The following PLCB1 variants were observed in gnomAD, a reference collection of about 807,000 sequenced individuals.
PLCB1 encodes 1-phosphatidylinositol 4,5-bisphosphate phosphodiesterase beta-1.
PLCB1 carries 46 observed loss-of-function variants against 161.8 expected under a neutral mutation model. The ratio of observed to expected loss-of-function variants is 0.28; its 90% CI spans 0.22 to 0.36. The LOEUF (loss-of-function observed/expected upper bound fraction) is 0.36. PLCB1 is among the 10% of genes least tolerant of loss of function. The pLI is 1.00. For synonymous variants in PLCB1, 517 were observed against 503.7 expected (o/e 1.03, Z -0.35); for missense variants, 1,016 against 1,472.5 (o/e 0.69, Z 5.07).
chr20:8,856,027 T>C (rs975455746), intron 31 of PLCB1, among the ~76,000 whole-genome samples: 1 of 152,320 alleles, frequency 6.6e-6, no homozygotes, highest in African/African-American at 2.4e-5. Flanking sequence ...CACACCCATA[T>C]ACACCACAAA....
chr20:8,504,395 T>C (rs1983544414), intron 3 of PLCB1, among the ~76,000 whole-genome samples: 1 of 152,188 alleles, frequency 6.6e-6, no homozygotes, highest in Non-Finnish European at 1.5e-5. Context: ...CAGTGACCCA[T>C]GTATCTAAAA....
At chr20:8,313,568 G>A (rs1231925895) in intron 2 of PLCB1, among the ~76,000 whole-genome samples, 1 of 152,154 alleles carries the variant, frequency 6.6e-6, no homozygotes, top group Non-Finnish European at 1.5e-5. Context: ...ATGCTGGGAG[G>A]AGCAAAGAAT....
intron 4 of PLCB1, among the ~76,000 whole-genome samples, chr20:8,643,769 C>CTCTT (rs1229446740): frequency 4.9e-5 from 7 of 143,672 alleles, no homozygotes; most frequent in African/African-American, 1.8e-4. Flanking sequence ...CTCCCTCTCC[C>CTCTT]TCTCCCTCTT....
chr20:8,200,621 T>A (rs2123125182), intron 2 of PLCB1, among the ~76,000 whole-genome samples: 1 of 152,142 alleles, frequency 6.6e-6, no homozygotes, highest in South Asian at 2.1e-4. Context: ...CTTAACAATC[T>A]TTTGAATTTT....
At chr20:8,576,832 A>T (rs559795779) in intron 3 of PLCB1, among the ~76,000 whole-genome samples, 4 of 152,348 alleles carry the variant, frequency 2.6e-5, no homozygotes, top group Admixed American at 2.6e-4. Context: ...GTAGCCATCA[A>T]TTTAATGATT....
intron 9 of PLCB1, among the ~76,000 whole-genome samples, chr20:8,682,453 C>T (rs1018442276): frequency 5.9e-5 from 9 of 152,168 alleles, no homozygotes; most frequent in African/African-American, 2.2e-4. Flanking sequence ...TTTTGCGAAA[C>T]AGCTCCTCTC....
intron 31 of PLCB1, among the ~76,000 whole-genome samples, chr20:8,857,100 C>T (rs1987093393): frequency 1.3e-5 from 2 of 152,156 alleles, no homozygotes; most frequent in African/African-American, 4.8e-5. Flanking sequence ...CGGATCTCTC[C>T]ACTTAGTCTC....
At chr20:8,376,818 C>G (rs950789828) in intron 3 of PLCB1, among the ~76,000 whole-genome samples, 32 of 151,958 alleles carry the variant, frequency 2.1e-4, no homozygotes, top group Non-Finnish European at 4.1e-4. Flanking sequence ...GTCCCAGCTA[C>G]TCAGGAGGCT....
chr20:8,588,728 C>T (rs1456306514), intron 3 of PLCB1, among the ~76,000 whole-genome samples: 2 of 152,244 alleles, frequency 1.3e-5, no homozygotes, highest in East Asian at 3.9e-4. Context: ...TGACTTCCAG[C>T]CTCCAAAACT....
chr20:8,774,287 G>A (rs541809543), intron 26 of PLCB1, among the ~76,000 whole-genome samples: 52 of 152,058 alleles, frequency 3.4e-4, no homozygotes, highest in Non-Finnish European at 6.3e-4. Flanking sequence ...CATGCCTAGG[G>A]CCCCCAGCCT....
At chr20:8,630,713 T>G (rs1302002216) in intron 4 of PLCB1, among the ~76,000 whole-genome samples, 1 of 152,220 alleles carries the variant, frequency 6.6e-6, no homozygotes, top group African/African-American at 2.4e-5. Context: ...GACCAATTTA[T>G]GGGATGCACT....
intron 3 of PLCB1, chr20:8,371,712 A>G: frequency 2.7e-6 from 1 of 366,342 alleles, no homozygotes; most frequent in Non-Finnish European, 4.9e-6. Context: ...ACAATGCCCA[A>G]GTTACTGGGT....
At chr20:8,343,253 A>G (rs1985878278) in intron 2 of PLCB1, among the ~76,000 whole-genome samples, 1 of 152,236 alleles carries the variant, frequency 6.6e-6, no homozygotes, top group Non-Finnish European at 1.5e-5. Context: ...CCATTGGTCC[A>G]CCAAATCACA....
At chr20:8,811,769 G>A (rs1299254983) in intron 31 of PLCB1, among the ~76,000 whole-genome samples, 1 of 152,224 alleles carries the variant, frequency 6.6e-6, no homozygotes, top group Non-Finnish European at 1.5e-5. Flanking sequence ...GGCCTGCCTG[G>A]CTGCTACACT....
rs186187058 is a variant in PLCB1 at position 8,655,405 on chromosome 20, T to A, written c.595-1779T>A. On this transcript the variant is annotated intron_variant, in intron 7 of 31. Transcript: ENST00000338037. ...GACAAGACACATATCCTAGCTCGTG[T>A]ACATCTGCAGATTAGCAAAGACTAG... is the stretch of plus-strand genomic sequence containing the variant. 5.3e-3 allele frequency among the ~76,000 whole-genome samples: 810 copies of A among 152,210 alleles called. 24 individuals are homozygous for A. The highest frequency in any genetic ancestry group is 0.044 in the Admixed American group (679 of 15,262).
At chr20:8,188,827 T>G (rs1397861878) in intron 2 of PLCB1, among the ~76,000 whole-genome samples, 10 of 152,176 alleles carry the variant, frequency 6.6e-5, no homozygotes. Flanking sequence ...GGATATAGAA[T>G]GTCAGAAGTT....
chr20:8,579,341 G>T (rs1440550025), intron 3 of PLCB1, among the ~76,000 whole-genome samples: 1 of 152,190 alleles, frequency 6.6e-6, no homozygotes, highest in Non-Finnish European at 1.5e-5. Flanking sequence ...ATCCACAGTT[G>T]TCTCAACCAA....
chr20:8,418,447 T>C (rs972834525), intron 3 of PLCB1, among the ~76,000 whole-genome samples: 1 of 152,188 alleles, frequency 6.6e-6, no homozygotes, highest in Non-Finnish European at 1.5e-5. Flanking sequence ...TAAACAGGCC[T>C]AGGAAATGAA....
In PLCB1 at chr20:8,179,846, C is replaced by CTTTTTTTTTTTTTT. The variant is rs35174594; in HGVS notation, c.177+29492_177+29505dup. Among the ~76,000 whole-genome samples the CTTTTTTTTTTTTTT allele has an allele frequency of 2.8e-5, 2 of 71,402 alleles. 1 individual carries two copies. Among genetic ancestry groups the CTTTTTTTTTTTTTT allele is most frequent in the Non-Finnish European group, 5.2e-5 (2 of 38,272 alleles). The allele number at this position is 71,402 out of a possible 152,430, so 46.8% of individuals were successfully genotyped here. The stretch of plus-strand genomic sequence containing the variant: ...CCTTCAATGCCTAGTTTGTTGAGGG[C>CTTTTTTTTTTTTTT]TTTTTTTTTTTTTTTTTTTTTTTTT... On this transcript the variant is annotated intron_variant, in intron 2 of 31. Transcript: ENST00000338037.
Sources: allele counts gnomAD v4.1 joint callset (sites outside exome capture counted in the v4.1 genomes callset), GRCh38; gene constraint gnomAD v4.1.1; transcripts MANE v1.5; gene names NCBI Gene and HGNC (gene_info 2026-07-23, HGNC 2026-07-21).